HFM1: variants seen among roughly 807,000 people sequenced by gnomAD.
HFM1 encodes probable ATP-dependent DNA helicase HFM1.
Under a neutral mutation model 192.1 loss-of-function variants are expected in HFM1, and 169 were observed. The observed-to-expected ratio is 0.88, with a 90% CI of 0.78 to 1.00. The LOEUF (loss-of-function observed/expected upper bound fraction) is 1.00, where lower values mean the gene tolerates loss of function less well. HFM1 is among the 50% of genes least tolerant of loss of function. The pLI, the probability that HFM1 is intolerant of heterozygous loss-of-function variation, is 0.00. For missense variants in HFM1, 1,661 were observed against 1,668.0 expected (o/e 1.00, Z 0.07); for synonymous variants, 525 against 537.8 (o/e 0.98, Z 0.33).
intron 30 of HFM1, among the ~76,000 whole-genome samples, chr1:91,278,750 G>C (rs1667187116): frequency 6.6e-6 from 1 of 152,056 alleles, no homozygotes; most frequent in Non-Finnish European, 1.5e-5. Context: ...AATGTATTGG[G>C]TACTGATAAG....
In HFM1 at chr1:91,395,032, T is replaced by TAA. The variant is rs1663482529; in HGVS notation, c.185-632_185-631dup. 2.0e-5 allele frequency among the ~76,000 whole-genome samples: 3 copies of TAA among 151,980 alleles called. No individual in the cohort carries two copies. The East Asian group carries it at 5.8e-4, about 29-fold the overall frequency. ...ATATTATTTGATATAAGTATATATATAACATATATGTAAATTACAAAGCTT... is the reference window on the plus strand; with the variant it reads ...ATATTATTTGATATAAGTATATATATAAAACATATATGTAAATTACAAAGCTT... On this transcript the variant is annotated intron_variant, in intron 3 of 38. Coordinates refer to ENST00000370425, the MANE Select transcript of HFM1 (RefSeq NM_001017975.6).
At chr1:91,395,073 G>A (rs4658220) in intron 3 of HFM1, among the ~76,000 whole-genome samples, 14,618 of 151,884 alleles carry the variant, frequency 0.096, 742 homozygotes, top group East Asian at 0.16. Flanking sequence ...TAAAATGAAT[G>A]TGCATGAACC....
intron 30 of HFM1, among the ~76,000 whole-genome samples, chr1:91,282,099 T>A (rs1054820836): frequency 6.6e-6 from 1 of 152,236 alleles, no homozygotes; most frequent in African/African-American, 2.4e-5. Flanking sequence ...AAGATTTCTG[T>A]CTCACTTCAG....
At chr1:91,310,040 G>T (rs1387305163) in intron 30 of HFM1, among the ~76,000 whole-genome samples, 2 of 151,822 alleles carry the variant, frequency 1.3e-5, no homozygotes, top group African/African-American at 4.8e-5. Context: ...CAAAGAAGCT[G>T]TCAAATCTAC....
At chr1:91,272,018 T>G (rs972995486) in intron 34 of HFM1, among the ~76,000 whole-genome samples, 24 of 152,284 alleles carry the variant, frequency 1.6e-4, no homozygotes, top group African/African-American at 5.8e-4. Flanking sequence ...TTTGTGACAT[T>G]TTTTCTTCTT....
At chr1:91,370,323 T>C (rs988868991) in intron 13 of HFM1, among the ~76,000 whole-genome samples, 19 of 152,212 alleles carry the variant, frequency 1.2e-4, no homozygotes, top group Non-Finnish European at 2.2e-4. Context: ...CTGATGAACA[T>C]CGATGCAAAA....
intron 30 of HFM1, among the ~76,000 whole-genome samples, chr1:91,298,378 A>C (rs931840810): frequency 6.6e-6 from 1 of 152,246 alleles, no homozygotes. Context: ...GATATTATCC[A>C]GGAGAACTTC....
chr1:91,377,888 A>G (rs896553226), intron 11 of HFM1, 137 bp downstream of exon 11: 3 of 786,132 alleles, frequency 3.8e-6, no homozygotes, highest in Non-Finnish European at 6.4e-6. Flanking sequence ...TATTTATGAG[A>G]TCTAGCCACA....
chr1:91,298,518 T>C (rs1208634233), intron 30 of HFM1, among the ~76,000 whole-genome samples: 1 of 144,146 alleles, frequency 6.9e-6, no homozygotes, highest in Non-Finnish European at 1.5e-5. Flanking sequence ...AAGGAAAAAA[T>C]GTTAAGAGCA....
At position 91,291,731 on chromosome 1, in the gene HFM1, C is replaced by T. The variant is rs569507964; in HGVS notation, c.3392-14669G>A. ...GCCAGCATCATCCTGATACCAAAGA[C>T]GGGCAGAGACACAACCAAAAAAGAG... On this transcript the variant is annotated intron_variant, in intron 30 of 38. Transcript: ENST00000370425. Among the ~76,000 whole-genome samples, 15 of 151,814 alleles carry T rather than the reference C, an allele frequency of 9.9e-5. No homozygotes were observed. The South Asian group carries it at 2.5e-3, about 25-fold the overall frequency.
At chr1:91,324,639 C>T in intron 21 of HFM1, 36 bp downstream of exon 21, 1 of 905,080 alleles carries the variant, frequency 1.1e-6, no homozygotes, top group Non-Finnish European at 1.8e-6. Context: ...TATACTATAC[C>T]ACTATGTATT....
intron 20 of HFM1, chr1:91,328,272 T>G: frequency 1.2e-6 from 1 of 809,830 alleles, no homozygotes; most frequent in Non-Finnish European, 1.8e-6. Flanking sequence ...GCAGCTAAGC[T>G]GAGGGGGGAA....
At chr1:91,344,317 T>C (rs187710342) in intron 19 of HFM1, among the ~76,000 whole-genome samples, 1 of 152,194 alleles carries the variant, frequency 6.6e-6, no homozygotes, top group Non-Finnish European at 1.5e-5. Context: ...AAAAACACCC[T>C]TGGAGTTCTT....
intron 38 of HFM1, 46 bp from the exon 39 acceptor site, chr1:91,261,405 T>C (rs767782364): frequency 1.1e-6 from 1 of 870,270 alleles, no homozygotes; most frequent in Admixed American, 3.8e-5. Flanking sequence ...TTTAACACAA[T>C]TTATTTTAAA....
intron 30 of HFM1, among the ~76,000 whole-genome samples, chr1:91,294,593 T>C (rs1570828357): frequency 6.6e-6 from 1 of 152,206 alleles, no homozygotes; most frequent in African/African-American, 2.4e-5. Context: ...TGCTTTTGGG[T>C]TGCAAACACC....
At chr1:91,370,718 A>G (rs1176136983) in intron 13 of HFM1, among the ~76,000 whole-genome samples, 1 of 152,108 alleles carries the variant, frequency 6.6e-6, no homozygotes, top group African/African-American at 2.4e-5. Flanking sequence ...CCTATTCAAC[A>G]TAGTGTTGGA....
intron 13 of HFM1, among the ~76,000 whole-genome samples, chr1:91,370,393 T>C (rs1396322702): frequency 6.6e-6 from 1 of 152,174 alleles, no homozygotes; most frequent in Non-Finnish European, 1.5e-5. Flanking sequence ...TTGTCCACCA[T>C]GATCAAGTGG....
intron 13 of HFM1, among the ~76,000 whole-genome samples, chr1:91,367,177 G>A (rs915071850): frequency 1.3e-5 from 2 of 152,192 alleles, no homozygotes; most frequent in African/African-American, 4.8e-5. Context: ...CTCCACCTCT[G>A]GGGGCAGGGC....
chr1:91,270,808 A>G lies in HFM1; in HGVS notation c.3772+2904T>C, dbSNP rs557973710. Among the ~76,000 whole-genome samples the G allele has an allele frequency of 2.0e-5, 3 of 152,292 alleles. No individual in the cohort carries two copies. In the South Asian group the frequency reaches 6.2e-4, roughly 32 times the overall value. On this transcript the variant is annotated intron_variant, in intron 34 of 38. Transcript: ENST00000370425. ...AAAGTCACTAAATGGCCTGAACAAA[A>G]ACAGCTTCAAAGGACTGATACACAG...
Sources: allele counts gnomAD v4.1 joint callset (sites outside exome capture counted in the v4.1 genomes callset), GRCh38; gene constraint gnomAD v4.1.1; transcripts MANE v1.5; gene names NCBI Gene and HGNC (gene_info 2026-07-23, HGNC 2026-07-21).